CASK: variants seen among roughly 807,000 people sequenced by gnomAD.
The protein encoded by CASK is calcium/calmodulin dependent serine protein kinase, also known as peripheral plasma membrane protein CASK.
Under a neutral mutation model 82.9 loss-of-function variants are expected in CASK, and 4 were observed. The ratio of observed to expected loss-of-function variants is 0.05; its 90% CI spans 0.02 to 0.11. CASK has a LOEUF of 0.11. Ranked by LOEUF, CASK falls within the 10% of genes least tolerant of loss-of-function variation. CASK has a pLI of 1.00. For synonymous variants in CASK, 259 were observed against 253.5 expected (o/e 1.02, Z -0.20); for missense variants, 358 against 720.9 (o/e 0.50, Z 5.76).
intron 5 of CASK, among the ~76,000 whole-genome samples, chrX:41,731,706 G>T (rs1231185630): frequency 9.0e-6 from 1 of 111,078 alleles, no homozygotes; most frequent in Non-Finnish European, 1.9e-5. Flanking sequence ...AAATCATGTT[G>T]AATTTTTTTA....
chrX:41,582,549 G>C (rs983269044), intron 14 of CASK, among the ~76,000 whole-genome samples: 9 of 111,189 alleles, frequency 8.1e-5, no homozygotes, highest in African/African-American at 2.9e-4. Flanking sequence ...TCCTGACCTC[G>C]TGATCCGTCC....
At chrX:41,903,826 C>T (rs1012117261) in intron 1 of CASK, among the ~76,000 whole-genome samples, 1 of 111,932 alleles carries the variant, frequency 8.9e-6, no homozygotes, top group African/African-American at 3.3e-5. Flanking sequence ...TACTGAGCAA[C>T]TGAAATGTGG....
chrX:41,614,678 C>T (rs971553983), intron 11 of CASK, among the ~76,000 whole-genome samples: 4 of 111,339 alleles, frequency 3.6e-5, no homozygotes, highest in African/African-American at 9.8e-5. Flanking sequence ...CGTGCCAACA[C>T]GCCCAGCTAA....
chrX:41,557,154 G>GA (rs756154311), intron 18 of CASK, 54 bp from the exon 19 acceptor site: 8 of 939,187 alleles, frequency 8.5e-6, no homozygotes, highest in Admixed American at 4.4e-5. Context: ...GAAACACAGA[G>GA]ATATTTACAT....
At chrX:41,716,946 G>A (rs2068071937) in intron 5 of CASK, among the ~76,000 whole-genome samples, 1 of 110,735 alleles carries the variant, frequency 9.0e-6, no homozygotes, top group African/African-American at 3.3e-5. Flanking sequence ...ATGTCTCCTT[G>A]CCCCTGACTG....
chrX:41,828,974 T>A (rs2070728914), intron 2 of CASK, among the ~76,000 whole-genome samples: 1 of 111,929 alleles, frequency 8.9e-6, no homozygotes, highest in African/African-American at 3.2e-5. Flanking sequence ...GTACTTAGCA[T>A]TTGGCACAGA....
intron 24 of CASK, among the ~76,000 whole-genome samples, chrX:41,532,549 TTC>T (rs929056454): frequency 9.0e-6 from 1 of 111,376 alleles, no homozygotes; most frequent in African/African-American, 3.3e-5. Context: ...GGTTTTAATA[TTC>T]TCTCTCCCTA....
At chrX:41,847,943 T>C (rs973922277) in intron 2 of CASK, among the ~76,000 whole-genome samples, 1 of 112,221 alleles carries the variant, frequency 8.9e-6, no homozygotes, top group Admixed American at 9.4e-5. Flanking sequence ...ATTAAGGCCT[T>C]CTTAGATTTT....
chrX:41,668,179 T>C (rs897029265), intron 6 of CASK, among the ~76,000 whole-genome samples: 2 of 111,519 alleles, frequency 1.8e-5, no homozygotes, highest in Admixed American at 9.6e-5. Context: ...TGTAAGTCCC[T>C]GCATCCAATG....
chrX:41,914,619 T>C (rs1045871242), intron 1 of CASK, among the ~76,000 whole-genome samples: 1 of 112,303 alleles, frequency 8.9e-6, no homozygotes, highest in Non-Finnish European at 1.9e-5. Flanking sequence ...TAGAAAGATA[T>C]AAGACAATAA....
intron 5 of CASK, among the ~76,000 whole-genome samples, chrX:41,677,731 T>G (rs894648939): frequency 8.9e-6 from 1 of 112,175 alleles, no homozygotes; most frequent in Admixed American, 9.4e-5. Context: ...AAGCTGAGGA[T>G]GCCTCTTTTT....
intron 22 of CASK, among the ~76,000 whole-genome samples, chrX:41,542,087 C>T (rs1236158171): frequency 1.8e-5 from 2 of 112,138 alleles, no homozygotes; most frequent in Non-Finnish European, 3.8e-5. Flanking sequence ...TCCATATGGG[C>T]AAACATACAT....
intron 16 of CASK, among the ~76,000 whole-genome samples, chrX:41,568,263 A>G (rs970251941): frequency 9.0e-6 from 1 of 111,333 alleles, no homozygotes; most frequent in African/African-American, 3.3e-5. Context: ...AAAAGAAAAA[A>G]AAAAGAAAGA....
chrX:41,739,075 T>G (rs1450755679), intron 5 of CASK, among the ~76,000 whole-genome samples: 4 of 111,983 alleles, frequency 3.6e-5, no homozygotes, highest in African/African-American at 1.3e-4. Flanking sequence ...ATTAACTCAG[T>G]ATAGGATATT....
chrX:41,758,435 C>CAA (rs746659684), intron 3 of CASK, among the ~76,000 whole-genome samples: 610 of 43,344 alleles, frequency 0.014, 11 homozygotes, highest in African/African-American at 0.055. Context: ...GACTTCATCT[C>CAA]AAAAAAAAAA....
chrX:41,745,606 A>T lies in CASK; in HGVS notation c.279-5T>A. 1 of 1,165,259 alleles carries T rather than the reference A, an allele frequency of 8.6e-7. No homozygotes were observed. The highest frequency in any genetic ancestry group is 1.2e-6 in the Non-Finnish European group (1 of 853,799). ...CACAGATCTGCTCCATCCATACTGT[A>T]AAAAAATGTGAAAAAGAACATAAGA... On this transcript the variant is annotated splice_polypyrimidine_tract_variant and splice_region_variant and intron_variant, in intron 3 of 26. Coordinates refer to ENST00000378163, the MANE Select transcript of CASK (RefSeq NM_001367721.1).
intron 5 of CASK, among the ~76,000 whole-genome samples, chrX:41,715,221 C>T (rs1286963281): frequency 1.8e-5 from 2 of 112,304 alleles, no homozygotes; most frequent in Non-Finnish European, 3.8e-5. Flanking sequence ...GGCAGAAGGG[C>T]AGTGGAAACC....
chrX:41,676,574 C>T lies in CASK; in HGVS notation c.430-5044G>A, dbSNP rs551505146. On this transcript the variant is annotated intron_variant, in intron 5 of 26. Coordinates refer to ENST00000378163, the MANE Select transcript of CASK (RefSeq NM_001367721.1). ...GTCTACCTGGCGGGCGCCGCTGGGC[C>T]GGGCCTGGGCTCTGGCCTGCTCTCC... is the stretch of plus-strand genomic sequence containing the variant. 52 of 791,343 alleles carry T rather than the reference C, an allele frequency of 6.6e-5. 1 individual carries two copies. Among genetic ancestry groups the T allele is most frequent in the African/African-American group, 4.4e-4 (21 of 47,979 alleles). The allele number at this position is 791,343 out of a possible 1,213,427, so 65.2% of individuals were successfully genotyped here. A position where few individuals can be genotyped will look rare whatever the true frequency, so the allele number is the denominator to read the frequency against.
At chrX:41,834,240 AG>A (rs2070886789) in intron 2 of CASK, among the ~76,000 whole-genome samples, 1 of 111,703 alleles carries the variant, frequency 9.0e-6, no homozygotes. Context: ...ATATTACAAC[AG>A]ATCTTGTAAC....
Sources: allele counts gnomAD v4.1 joint callset (sites outside exome capture counted in the v4.1 genomes callset), GRCh38; gene constraint gnomAD v4.1.1; transcripts MANE v1.5; gene names NCBI Gene and HGNC (gene_info 2026-07-23, HGNC 2026-07-21).